SUGCT: variants seen among roughly 807,000 people sequenced by gnomAD.
The protein encoded by SUGCT is succinyl-CoA:glutarate-CoA transferase.
SUGCT carries 41 observed loss-of-function variants against 55.0 expected under a neutral mutation model. The ratio of observed to expected loss-of-function variants is 0.74; its 90% CI spans 0.58 to 0.97. The LOEUF (loss-of-function observed/expected upper bound fraction) is 0.97, where lower values mean the gene tolerates loss of function less well. Ranked by LOEUF, SUGCT falls within the 50% of genes least tolerant of loss-of-function variation. The pLI is 0.00. For missense variants in SUGCT, 568 were observed against 547.8 expected, an observed-to-expected ratio of 1.04 and a Z score of -0.37; for synonymous variants, 187 against 200.4, an observed-to-expected ratio of 0.93 and a Z score of 0.56.
chr7:40,485,724 T>C (rs1386535336), intron 11 of SUGCT, among the ~76,000 whole-genome samples: 3 of 152,190 alleles, frequency 2.0e-5, no homozygotes, highest in Non-Finnish European at 4.4e-5. Context: ...GTCTCATGTA[T>C]ACCTAATTTG....
chr7:40,318,593 C>T (rs926409914), intron 9 of SUGCT, among the ~76,000 whole-genome samples: 4 of 152,174 alleles, frequency 2.6e-5, no homozygotes, highest in Non-Finnish European at 5.9e-5. Context: ...TGTGCCACCA[C>T]GCCTGGCTAA....
At chr7:40,558,715 T>G (rs896675513) in intron 12 of SUGCT, among the ~76,000 whole-genome samples, 3 of 152,232 alleles carry the variant, frequency 2.0e-5, no homozygotes, top group African/African-American at 7.2e-5. Flanking sequence ...ACATTGAGAA[T>G]GTACTTAGTG....
chr7:40,574,097 C>T (rs577259534), intron 12 of SUGCT, among the ~76,000 whole-genome samples: 6 of 152,190 alleles, frequency 3.9e-5, no homozygotes, highest in South Asian at 2.1e-4. Context: ...TGACGAATTC[C>T]GCTTATAACC....
Position 40,189,593 on chromosome 7 carries a change from A to G in SUGCT, c.362A>G (p.Glu121Gly). Residue 121 changes from glutamate to glycine, a missense_variant and splice_region_variant, in exon 5 of 14, where the codon GAG (glutamate) becomes GGG (glycine). Coordinates refer to ENST00000335693, the MANE Select transcript of SUGCT (RefSeq NM_001193313.2). ...CCAAAAGGGGTGAAAATCATCAAAG[A>G]GGTACAGTATGATGTATAGAAAGCA... Reference protein sequence around the residue: ...KDPKGVKIIKELAAVCDVFVE... With the variant: ...KDPKGVKIIKGLAAVCDVFVE... 7.1e-7 allele frequency: 1 copy of G among 1,414,692 alleles called. No individual in the cohort carries two copies. The highest frequency in any genetic ancestry group is 9.4e-7 in the Non-Finnish European group (1 of 1,061,486). The allele number at this position is 1,414,692 out of a possible 1,614,324, so 87.6% of individuals were successfully genotyped here.
At chr7:40,818,132 C>T (rs1256776969) in intron 13 of SUGCT, among the ~76,000 whole-genome samples, 1 of 152,198 alleles carries the variant, frequency 6.6e-6, no homozygotes, top group Admixed American at 6.5e-5. Flanking sequence ...ACTAGGAGCT[C>T]AGGATATAAC....
chr7:41,009,534 C>G, the SUGCT span, among the ~76,000 whole-genome samples: 1 of 151,870 alleles, frequency 6.6e-6, no homozygotes, highest in African/African-American at 2.4e-5. Context: ...CACCATCCAT[C>G]CATCCTTCCT....
intron 9 of SUGCT, among the ~76,000 whole-genome samples, chr7:40,409,999 C>G (rs1451880204): frequency 6.6e-6 from 1 of 152,044 alleles, no homozygotes; most frequent in African/African-American, 2.4e-5. Flanking sequence ...GTGTCTGTGT[C>G]TAGATATTTT....
At chr7:40,449,212 G>A (rs967073344) in intron 9 of SUGCT, 75 bp from the exon 10 acceptor site, 75 of 936,106 alleles carry the variant, frequency 8.0e-5, no homozygotes, top group Non-Finnish European at 1.1e-4. Flanking sequence ...TTTCTATATA[G>A]ATATTTTAGA....
intron 12 of SUGCT, among the ~76,000 whole-genome samples, chr7:40,574,443 G>T (rs1432537701): frequency 1.3e-5 from 2 of 151,970 alleles, no homozygotes; most frequent in East Asian, 3.9e-4. Context: ...TGTTGTTGTT[G>T]TTGTTTGAGC....
chr7:40,274,635 T>C lies in SUGCT; in HGVS notation c.699T>C (p.Asp233=). The part of the protein sequence containing the change: ...KYKTGKGLFI[D]CNLLSSQVAC... ...AAACTGGGAAAGGACTGTTCATTGA[T>C]TGTAACCTACTGTCATCCCAGGTAA... Residue 233 remains aspartate, a synonymous_variant, in exon 8 of 14, where the codon GAT becomes GAC. Transcript: ENST00000335693. 6.2e-7 allele frequency: 1 copy of C among 1,613,660 alleles called. No homozygotes were observed. The highest frequency in any genetic ancestry group is 8.5e-7 in the Non-Finnish European group (1 of 1,179,692).
chr7:40,865,519 G>C (rs1210925977), downstream of SUGCT, among the ~76,000 whole-genome samples: 2 of 152,118 alleles, frequency 1.3e-5, no homozygotes, highest in Non-Finnish European at 2.9e-5. Context: ...GTTCTAAGGG[G>C]GAAAACCTAA....
At chr7:40,703,408 A>G (rs191079971) in intron 12 of SUGCT, among the ~76,000 whole-genome samples, 1 of 152,250 alleles carries the variant, frequency 6.6e-6, no homozygotes, top group East Asian at 1.9e-4. Context: ...GACCCACAGC[A>G]TCCCCACAGA....
intron 8 of SUGCT, among the ~76,000 whole-genome samples, chr7:40,301,644 G>A (rs1359878654): frequency 1.3e-5 from 2 of 152,014 alleles, no homozygotes; most frequent in East Asian, 3.9e-4. Flanking sequence ...GTTATTTTGG[G>A]AACCATTCCA....
intron 12 of SUGCT, among the ~76,000 whole-genome samples, chr7:40,521,163 G>A (rs1277998485): frequency 6.6e-6 from 1 of 152,126 alleles, no homozygotes; most frequent in African/African-American, 2.4e-5. Flanking sequence ...ATGGGGCCTG[G>A]TGGGAGGTGA....
intron 12 of SUGCT, among the ~76,000 whole-genome samples, chr7:40,544,132 GTTTTTT>G (rs36008782): frequency 7.3e-6 from 1 of 137,410 alleles, no homozygotes; most frequent in South Asian, 2.3e-4. Context: ...AAGGTGGGAG[GTTTTTT>G]TTTTTTTTTT....
intron 9 of SUGCT, among the ~76,000 whole-genome samples, chr7:40,385,496 G>T (rs1045820008): frequency 6.6e-6 from 1 of 152,104 alleles, no homozygotes; most frequent in African/African-American, 2.4e-5. Context: ...ATAATTGCTC[G>T]TAAGAGAATG....
chr7:40,157,884 C>T (rs988456615), intron 1 of SUGCT, among the ~76,000 whole-genome samples: 37 of 152,142 alleles, frequency 2.4e-4, no homozygotes, highest in African/African-American at 5.5e-4. Flanking sequence ...AAAGGGTTTC[C>T]GAGAGTCAAA....
intron 11 of SUGCT, among the ~76,000 whole-genome samples, chr7:40,460,404 A>G (rs1469475125): frequency 1.3e-5 from 2 of 152,174 alleles, no homozygotes; most frequent in South Asian, 4.1e-4. Flanking sequence ...AGAGCCCTCA[A>G]TGATTAACTT....
the SUGCT span, among the ~76,000 whole-genome samples, chr7:40,962,644 A>G: frequency 6.6e-6 from 1 of 151,818 alleles, no homozygotes; most frequent in South Asian, 2.1e-4. Flanking sequence ...TCAAGACAGC[A>G]TACTTGCATT....
Sources: gnomAD v4.1 joint callset for allele counts (sites outside exome capture counted in the v4.1 genomes callset) on GRCh38, gnomAD v4.1.1 for gene constraint, MANE v1.5 for transcripts, NCBI Gene and HGNC (gene_info 2026-07-23, HGNC 2026-07-21) for gene names.